Variants in NEO1 observed in about 807,000 individuals in gnomAD.
NEO1 encodes the protein neogenin 1.
A neutral mutation model predicts 159.7 loss-of-function variants in NEO1; 63 were observed. The observed-to-expected ratio is 0.39, with a 90% confidence interval of 0.32 to 0.49. The LOEUF (loss-of-function observed/expected upper bound fraction) is 0.49. Among genes scored for constraint, NEO1 ranks in the 20% least tolerant of loss-of-function variants. NEO1 has a pLI of 0.85. For missense variants in NEO1, 1,615 were observed against 1,831.0 expected, an observed-to-expected ratio of 0.88 and a Z score of 2.15; for synonymous variants, 633 against 662.0, an observed-to-expected ratio of 0.96 and a Z score of 0.67.
At chr15:73,115,282 C>A (rs1050523252) in intron 1 of NEO1, among the ~76,000 whole-genome samples, 1 of 152,162 alleles carries the variant, frequency 6.6e-6, no homozygotes, top group East Asian at 1.9e-4. Context: ...ACCTCATGAT[C>A]CACCCACCTT....
intron 1 of NEO1, among the ~76,000 whole-genome samples, chr15:73,057,292 T>G (rs11632639): frequency 3.9e-5 from 6 of 151,958 alleles, no homozygotes; most frequent in African/African-American, 1.4e-4. Context: ...TTCTTCCTTA[T>G]GAGTTTTTCT....
At chr15:73,188,552 G>C (rs933967581) in intron 7 of NEO1, among the ~76,000 whole-genome samples, 4 of 151,954 alleles carry the variant, frequency 2.6e-5, no homozygotes, top group Admixed American at 1.3e-4. Context: ...CTATTCTTCT[G>C]TTCTTTATCC....
At chr15:73,122,451 C>T (rs1473661275) in intron 2 of NEO1, 74 bp from the exon 3 acceptor site, 1 of 1,436,166 alleles carries the variant, frequency 7.0e-7, no homozygotes, top group Non-Finnish European at 9.4e-7. Flanking sequence ...AGCTGACTTG[C>T]TCCTGGCTCC....
chr15:73,261,287 A>C (rs1280957980), intron 15 of NEO1, among the ~76,000 whole-genome samples: 2 of 152,200 alleles, frequency 1.3e-5, no homozygotes, highest in East Asian at 3.9e-4. Context: ...ATATCTATTC[A>C]TTGTAACTAG....
chr15:73,052,873 G>A lies in NEO1; in HGVS notation c.130+68G>A, dbSNP rs559608695. On this transcript the variant is annotated intron_variant, in intron 1 of 28. Coordinates refer to ENST00000261908, the MANE Select transcript of NEO1 (RefSeq NM_002499.4). ...ACCGGCTCAGGCGGCCGCGGCTGCG[G>A]TGTTTTTGTTTAGGATCCAGGAGGA... The A allele has an allele frequency of 2.3e-3, 542 of 233,036 alleles. 2 individuals carry two copies. The highest frequency in any genetic ancestry group is 0.012 in the African/African-American group (513 of 42,922). 14.4% of individuals were successfully genotyped at this position (233,036 alleles called of 1,614,324 possible).
intron 7 of NEO1, among the ~76,000 whole-genome samples, chr15:73,198,645 G>C (rs748125149): frequency 2.6e-4 from 39 of 151,858 alleles, no homozygotes; most frequent in Non-Finnish European, 4.9e-4. Context: ...TGATGTATCT[G>C]TTTGATTATT....
intron 3 of NEO1, among the ~76,000 whole-genome samples, chr15:73,123,359 T>C (rs1167249295): frequency 6.6e-6 from 1 of 152,172 alleles, no homozygotes; most frequent in Admixed American, 6.5e-5. Context: ...ATATTAGTGC[T>C]GTGTCTTTTG....
chr15:73,195,353 A>G (rs2152031181), intron 7 of NEO1, among the ~76,000 whole-genome samples: 1 of 152,330 alleles, frequency 6.6e-6, no homozygotes, highest in Admixed American at 6.5e-5. Flanking sequence ...AGTCTGAAAG[A>G]TATCACTGAC....
chr15:73,112,889 G>A (rs2071082189), intron 1 of NEO1, among the ~76,000 whole-genome samples: 2 of 152,120 alleles, frequency 1.3e-5, no homozygotes, highest in South Asian at 2.1e-4. Context: ...GTTATTACAT[G>A]GTGTGAGTAG....
rs2071525462 is a variant in NEO1 at position 73,119,764 on chromosome 15, C to T, written c.449-2761C>T. 2.0e-5 allele frequency among the ~76,000 whole-genome samples: 3 copies of T among 152,324 alleles called. No individual in the cohort carries two copies. In the South Asian group the frequency reaches 6.2e-4, roughly 32 times the overall value. Reference sequence around the variant, plus strand: ...TGAAATCTCTTGTCTGCCAATTCTCCATATGTTTTTGTGAGCTTACATTTT... The same window carrying T: ...TGAAATCTCTTGTCTGCCAATTCTCTATATGTTTTTGTGAGCTTACATTTT... On this transcript the variant is annotated intron_variant, in intron 2 of 28. Coordinates refer to ENST00000261908, the MANE Select transcript of NEO1 (RefSeq NM_002499.4).
intron 5 of NEO1, among the ~76,000 whole-genome samples, chr15:73,136,239 T>C (rs2031748251): frequency 6.6e-6 from 1 of 152,186 alleles, no homozygotes; most frequent in East Asian, 1.9e-4. Context: ...CTCATTTTCC[T>C]CAGCTGTAAA....
intron 1 of NEO1, among the ~76,000 whole-genome samples, chr15:73,079,107 C>T (rs948861590): frequency 1.3e-5 from 2 of 152,096 alleles, no homozygotes; most frequent in South Asian, 4.1e-4. Context: ...TTGTGTATGG[C>T]AAAGAGAATG....
chr15:73,051,811 C>T (rs1415226764), upstream of NEO1: 1 of 152,262 alleles, frequency 6.6e-6, no homozygotes, highest in South Asian at 2.1e-4. Context: ...CATAAATCCC[C>T]GGGCCGACCC....
chr15:73,131,189 T>TG (rs2031077663), intron 4 of NEO1, among the ~76,000 whole-genome samples: 1 of 152,162 alleles, frequency 6.6e-6, no homozygotes, highest in South Asian at 2.1e-4. Flanking sequence ...ATGTAATGCA[T>TG]CATGCCAAGA....
At chr15:73,142,276 C>CA (rs1596130698) in intron 5 of NEO1, among the ~76,000 whole-genome samples, 1 of 152,224 alleles carries the variant, frequency 6.6e-6, no homozygotes, top group East Asian at 1.9e-4. Context: ...CAGAGAGAGT[C>CA]AAGTGGCAGA....
chr15:73,075,601 G>T (rs2068732646), intron 1 of NEO1, among the ~76,000 whole-genome samples: 3 of 152,080 alleles, frequency 2.0e-5, no homozygotes, highest in Admixed American at 1.3e-4. Context: ...GATGATTATT[G>T]TCCATTTGAT....
chr15:73,177,356 G>T (rs1056182372), intron 6 of NEO1, among the ~76,000 whole-genome samples: 4 of 152,062 alleles, frequency 2.6e-5, no homozygotes, highest in Non-Finnish European at 5.9e-5. Flanking sequence ...TTACAAATTT[G>T]TCATACAAGT....
intron 1 of NEO1, among the ~76,000 whole-genome samples, chr15:73,076,573 G>A (rs1335000534): frequency 1.3e-5 from 2 of 152,210 alleles, no homozygotes; most frequent in African/African-American, 4.8e-5. Flanking sequence ...TCTGAGTGGT[G>A]TGGCATTTGG....
intron 8 of NEO1, among the ~76,000 whole-genome samples, chr15:73,242,348 T>C (rs575909572): frequency 9.9e-5 from 15 of 152,122 alleles, no homozygotes; most frequent in Admixed American, 2.6e-4. Flanking sequence ...TGCAGTAAAG[T>C]AAGCTAGAGA....
Sources: allele counts gnomAD v4.1 joint callset (sites outside exome capture counted in the v4.1 genomes callset), GRCh38; gene constraint gnomAD v4.1.1; transcripts MANE v1.5; gene names NCBI Gene and HGNC (gene_info 2026-07-23, HGNC 2026-07-21).